Variants in ZBTB46 observed in about 807,000 individuals in gnomAD.
The protein encoded by ZBTB46 is zinc finger and BTB domain-containing protein 46.
A neutral mutation model predicts 44.1 loss-of-function variants in ZBTB46; 8 were observed. That is an observed-to-expected ratio of 0.18 (90% CI 0.11 to 0.33). The LOEUF (loss-of-function observed/expected upper bound fraction) is 0.33. Among genes scored for constraint, ZBTB46 ranks in the 10% least tolerant of loss-of-function variants. The probability of loss-of-function intolerance (pLI) is 1.00; values close to 1 mark genes in which losing one functional copy is unlikely to be tolerated. For synonymous variants in ZBTB46, 409 were observed against 382.3 expected (o/e 1.07, Z -0.81); for missense variants, 651 against 847.7 (o/e 0.77, Z 2.88).
chr20:63,754,361 G>T (rs187669869), intron 3 of ZBTB46, among the ~76,000 whole-genome samples: 1 of 152,138 alleles, frequency 6.6e-6, no homozygotes, highest in Non-Finnish European at 1.5e-5. Context: ...CCTGGTTCTC[G>T]CATTATCACA....
chr20:63,819,532 G>A (rs557723132), intron 1 of ZBTB46, among the ~76,000 whole-genome samples: 1 of 152,270 alleles, frequency 6.6e-6, no homozygotes, highest in East Asian at 1.9e-4. Context: ...TCCCACAGAC[G>A]ATGGGACCTC....
chr20:63,824,233 G>A (rs971351554), intron 1 of ZBTB46, among the ~76,000 whole-genome samples: 1 of 152,066 alleles, frequency 6.6e-6, no homozygotes, highest in Non-Finnish European at 1.5e-5. Context: ...AAGAAATGGG[G>A]CTGGACCTGG....
chr20:63,747,140 G>C lies in ZBTB46; in HGVS notation c.1560C>G (p.Gly520=), dbSNP rs780441392. Residue 520 remains glycine, a synonymous_variant, in exon 5 of 5, where the codon GGC becomes GGG. Coordinates refer to ENST00000245663, the MANE Select transcript of ZBTB46 (RefSeq NM_001369741.1). ...GGAACAGCGCCTCTGGAGAGCCCTC[G>C]CCGCCTCCGCCGCCATGGTCCAGGG... The part of the protein sequence containing the change: ...AGPLDHGGGG[G]EGSPEALFPG... 4.6e-5 allele frequency: 74 copies of C among 1,609,210 alleles called. No individual in the cohort carries two copies. Among genetic ancestry groups the C allele is most frequent in the Non-Finnish European group, 6.2e-5 (73 of 1,178,786 alleles).
At chr20:63,798,674 CAAAAA>C (rs71197435) in intron 1 of ZBTB46, among the ~76,000 whole-genome samples, 3 of 18,740 alleles carry the variant, frequency 1.6e-4, no homozygotes, top group South Asian at 3.6e-3. Flanking sequence ...GACTCTGTCT[CAAAAA>C]AAAAAAAAAA....
At chr20:63,770,188 G>C (rs1469041517) in intron 3 of ZBTB46, among the ~76,000 whole-genome samples, 1 of 152,208 alleles carries the variant, frequency 6.6e-6, no homozygotes, top group Non-Finnish European at 1.5e-5. Context: ...TCCTCGGCTT[G>C]TCAGTGTGAA....
chr20:63,784,911 C>T (rs571363856), intron 2 of ZBTB46, among the ~76,000 whole-genome samples: 5 of 152,304 alleles, frequency 3.3e-5, no homozygotes, highest in East Asian at 1.9e-4. Flanking sequence ...GAATGATCCA[C>T]GGTGACCACT....
intron 1 of ZBTB46, among the ~76,000 whole-genome samples, chr20:63,814,470 G>T (rs1298838764): frequency 6.6e-6 from 1 of 152,088 alleles, no homozygotes; most frequent in Non-Finnish European, 1.5e-5. Flanking sequence ...ACAATCCAGC[G>T]GTGCAAATGC....
At chr20:63,805,633 G>C (rs2092676299) in intron 1 of ZBTB46, among the ~76,000 whole-genome samples, 1 of 152,190 alleles carries the variant, frequency 6.6e-6, no homozygotes, top group African/African-American at 2.4e-5. Flanking sequence ...GAGACACCCT[G>C]AGTTCCAGCG....
At chr20:63,756,763 G>A (rs1601400484) in intron 3 of ZBTB46, among the ~76,000 whole-genome samples, 2 of 152,162 alleles carry the variant, frequency 1.3e-5, no homozygotes, top group African/African-American at 2.4e-5. Context: ...CTAGGGCTTC[G>A]TATACGTGGG....
rs763794889 is a variant in ZBTB46, at chr20:63,803,994, G to T, written c.-33-13204C>A. On this transcript the variant is annotated intron_variant, in intron 1 of 4. Transcript: ENST00000245663. The surrounding 1 kb of genome is among the most constrained non-coding windows in gnomAD (Gnocchi z 4.0). ...GATGATAGGCGTGAGCCACTGCACC[G>T]ACATAACGTCACTTCCTTCTGTCGG... Among the ~76,000 whole-genome samples the T allele has an allele frequency of 6.6e-6, 1 of 152,158 alleles. No individual in the cohort carries two copies. Among genetic ancestry groups the T allele is most frequent in the Non-Finnish European group, 1.5e-5 (1 of 68,034 alleles).
At chr20:63,772,432 G>T (rs1212900340) in intron 3 of ZBTB46, among the ~76,000 whole-genome samples, 1 of 152,146 alleles carries the variant, frequency 6.6e-6, no homozygotes, top group African/African-American at 2.4e-5. Context: ...AACTGAGTGA[G>T]ATGGGGCCAG....
At chr20:63,772,001 C>CAAATTCTT (rs2092378866) in intron 3 of ZBTB46, among the ~76,000 whole-genome samples, 1 of 138,854 alleles carries the variant, frequency 7.2e-6, no homozygotes, top group East Asian at 2.1e-4. Flanking sequence ...AGGGCAAATT[C>CAAATTCTT]TTTTTTTTTT....
At chr20:63,806,847 A>G (rs528760124) in intron 1 of ZBTB46, among the ~76,000 whole-genome samples, 1 of 151,652 alleles carries the variant, frequency 6.6e-6, no homozygotes, top group East Asian at 1.9e-4. Context: ...CAGTGGCGCC[A>G]TCTCGGCTCA....
chr20:63,790,099 T>C lies in ZBTB46; in HGVS notation c.659A>G (p.Asp220Gly), dbSNP rs1050401244. Reference protein sequence around the residue: ...DVSSQPLWPGDVGYGPLRIKE... With the variant: ...DVSSQPLWPGGVGYGPLRIKE... ...GATGCGCAGAGGCCCGTAGCCCACG[T>C]CTCCAGGCCATAGAGGCTGTGAAGA... The change falls in exon 2 of 5, where the codon GAC becomes GGC. Residue 220 changes from aspartate to glycine, a missense_variant. Physicochemically the swap from Asp to Gly is moderately conservative, Grantham distance 94. This residue lies in a region of ZBTB46 where 385 missense variants were observed against 423.3 expected (regional missense o/e 0.91). Transcript: ENST00000245663. 3 of 1,613,944 alleles carry C rather than the reference T, an allele frequency of 1.9e-6. No homozygotes were observed. Among genetic ancestry groups the C allele is most frequent in the Non-Finnish European group, 2.5e-6 (3 of 1,180,018 alleles).
intron 3 of ZBTB46, chr20:63,768,075 G>A: frequency 1.0e-6 from 1 of 985,430 alleles, no homozygotes; most frequent in Non-Finnish European, 1.2e-6. Flanking sequence ...TCACTCACCT[G>A]GGATGTTGTC....
rs2092418916 is a variant in ZBTB46 at position 63,775,663 on chromosome 20, AG to A, written c.1222+14del. 1 of 1,537,530 alleles carries A rather than the reference AG, an allele frequency of 6.5e-7. No individual in the cohort carries two copies. Among genetic ancestry groups the A allele is most frequent in the Non-Finnish European group, 8.8e-7 (1 of 1,142,442 alleles). ...ACCACACCAAAGCCAAGCGGCCCCCAGGGCCTGCACTTACGGGACAGCGAGT... is the reference window on the plus strand; with the variant it reads ...ACCACACCAAAGCCAAGCGGCCCCCAGGCCTGCACTTACGGGACAGCGAGT... On this transcript the variant is annotated intron_variant, in intron 3 of 4. Transcript: ENST00000245663.
chr20:63,805,014 G>A (rs946002344), intron 1 of ZBTB46, among the ~76,000 whole-genome samples: 12 of 150,322 alleles, frequency 8.0e-5, no homozygotes, highest in African/African-American at 2.5e-4. Flanking sequence ...TCCACCTCCC[G>A]GGTTCAATTG....
chr20:63,762,238 TC>T (rs1278071004), intron 3 of ZBTB46, among the ~76,000 whole-genome samples: 3 of 152,206 alleles, frequency 2.0e-5, no homozygotes, highest in African/African-American at 7.2e-5. Flanking sequence ...ATATTCTCTA[TC>T]CTTACTGAGA....
chr20:63,810,099 G>A (rs1193914554), intron 1 of ZBTB46, among the ~76,000 whole-genome samples: 2 of 152,220 alleles, frequency 1.3e-5, no homozygotes, highest in Non-Finnish European at 2.9e-5. Flanking sequence ...TGGGGATGAG[G>A]CCTACAGATG....
Sources: allele counts gnomAD v4.1 joint callset (sites outside exome capture counted in the v4.1 genomes callset), GRCh38; gene constraint gnomAD v4.1.1; regional missense constraint gnomAD v4.1.1; non-coding constraint Gnocchi (gnomAD v3.1); transcripts MANE v1.5; gene names NCBI Gene and HGNC (gene_info 2026-07-23, HGNC 2026-07-21).